QTGAL: variants seen among roughly 807,000 people sequenced by gnomAD.
The protein encoded by QTGAL is BGnT-like protein 1.
At chr17:83,015,370 A>G in the QTGAL span, among the ~76,000 whole-genome samples, 1 of 152,276 alleles carries the variant, frequency 6.6e-6, no homozygotes, top group Non-Finnish European at 1.5e-5. This position sits in a 1 kb window ranked among gnomAD's most constrained non-coding sequence, Gnocchi z 4.4. Context: ...ACACACAGAC[A>G]TGCTCACGGC....
At chr17:83,043,507 AG>A in the QTGAL span, among the ~76,000 whole-genome samples, 1 of 152,242 alleles carries the variant, frequency 6.6e-6, no homozygotes, top group South Asian at 2.1e-4. Flanking sequence ...CAAAACTTTC[AG>A]GATGTAGAAA....
chr17:82,976,996 G>C, the QTGAL span, among the ~76,000 whole-genome samples: 1 of 151,710 alleles, frequency 6.6e-6, no homozygotes, highest in Non-Finnish European at 1.5e-5. Flanking sequence ...GGAGGCCACC[G>C]TCAGGGAGTC....
the QTGAL span, chr17:82,950,079 C>G: frequency 1.3e-5 from 2 of 149,322 alleles, no homozygotes; most frequent in African/African-American, 4.9e-5. Flanking sequence ...GGAATAACCT[C>G]CAATCTACAC....
At chr17:82,991,794 G>A in the QTGAL span, among the ~76,000 whole-genome samples, 9 of 152,072 alleles carry the variant, frequency 5.9e-5, no homozygotes, top group Non-Finnish European at 1.3e-4. Context: ...TTGTTCTGAG[G>A]AAACTCAGAG....
chr17:83,038,420 A>T, the QTGAL span, among the ~76,000 whole-genome samples: 1 of 152,234 alleles, frequency 6.6e-6, no homozygotes, highest in Non-Finnish European at 1.5e-5. Context: ...GCTAATCTAT[A>T]AAAAGTACTT....
chr17:82,974,459 G>A, the QTGAL span, among the ~76,000 whole-genome samples: 2 of 152,234 alleles, frequency 1.3e-5, no homozygotes, highest in Non-Finnish European at 2.9e-5. Flanking sequence ...GCAGATTCAG[G>A]CGGGGCGGAG....
At chr17:82,976,340 G>A in the QTGAL span, among the ~76,000 whole-genome samples, 4 of 76,952 alleles carry the variant, frequency 5.2e-5, no homozygotes, top group African/African-American at 1.8e-4. Flanking sequence ...CGAGGGCCCC[G>A]GGACAGAGCC....
the QTGAL span, among the ~76,000 whole-genome samples, chr17:83,011,934 G>A: frequency 2.6e-5 from 4 of 151,024 alleles, no homozygotes; most frequent in East Asian, 3.9e-4. Context: ...TTGAACACAC[G>A]CCACGAACTC....
chr17:82,976,083 A>C, the QTGAL span, among the ~76,000 whole-genome samples: 6 of 31,178 alleles, frequency 1.9e-4, no homozygotes, highest in Non-Finnish European at 1.6e-4. Context: ...TTATGGGGAA[A>C]CAGGGCCCCA....
the QTGAL span, among the ~76,000 whole-genome samples, chr17:82,967,581 CCAGAGA>C: frequency 2.6e-4 from 39 of 151,986 alleles, no homozygotes; most frequent in Admixed American, 1.5e-3. Context: ...GTTGCAGATT[CCAGAGA>C]CAGAGAAATA....
At chr17:82,977,297 A>C in the QTGAL span, among the ~76,000 whole-genome samples, 1 of 152,118 alleles carries the variant, frequency 6.6e-6, no homozygotes, top group Non-Finnish European at 1.5e-5. Flanking sequence ...CCGTGTTTGC[A>C]TCCGTGACTT....
chr17:82,983,749 C>T, the QTGAL span, among the ~76,000 whole-genome samples: 2 of 152,146 alleles, frequency 1.3e-5, no homozygotes, highest in Non-Finnish European at 2.9e-5. Context: ...GCAGGGGCCC[C>T]GGGGCGGAGG....
chr17:82,989,714 C>T, the QTGAL span, among the ~76,000 whole-genome samples: 3 of 152,000 alleles, frequency 2.0e-5, no homozygotes, highest in African/African-American at 7.3e-5. Flanking sequence ...CAAAAAGATG[C>T]ATAAATGAAT....
the QTGAL span, chr17:83,007,073 TG>T: frequency 2.0e-6 from 1 of 493,400 alleles, no homozygotes; most frequent in Non-Finnish European, 2.6e-6. Flanking sequence ...TCTTTTCGCC[TG>T]GTTCTTTGCC....
At chr17:82,956,673 C>T in the QTGAL span, 20 of 1,539,182 alleles carry the variant, frequency 1.3e-5, no homozygotes, top group African/African-American at 6.8e-5. The surrounding 1 kb of genome is among the most constrained non-coding windows in gnomAD (Gnocchi z 5.7). Context: ...AGCCCTTCCA[C>T]GGCCAAGGGC....
At chr17:82,983,500 A>T in the QTGAL span, among the ~76,000 whole-genome samples, 1 of 152,196 alleles carries the variant, frequency 6.6e-6, no homozygotes, top group Non-Finnish European at 1.5e-5. Flanking sequence ...TTAGAGACAC[A>T]CATTCCCAGC....
the QTGAL span, chr17:83,035,110 A>C: frequency 1.2e-6 from 2 of 1,608,320 alleles, no homozygotes. Flanking sequence ...CTGTGGAAAA[A>C]AGAAGAGCAA....
chr17:82,958,172 G>C, the QTGAL span, among the ~76,000 whole-genome samples: 8 of 152,200 alleles, frequency 5.3e-5, no homozygotes, highest in Non-Finnish European at 7.3e-5. Flanking sequence ...CCCGGGCTGA[G>C]CCCGTCTCAA....
At chr17:83,036,790 T>A in the QTGAL span, among the ~76,000 whole-genome samples, 229 of 152,194 alleles carry the variant, frequency 1.5e-3, 2 homozygotes, top group African/African-American at 5.3e-3. Context: ...AGCCTATGTT[T>A]GGGAAAGCAG....
Sources: gnomAD v4.1 joint callset for allele counts (sites outside exome capture counted in the v4.1 genomes callset) on GRCh38, gnomAD v4.1.1 for gene constraint, Gnocchi (gnomAD v3.1) non-coding constraint, MANE v1.5 for transcripts, NCBI Gene and HGNC (gene_info 2026-07-23, HGNC 2026-07-21) for gene names.